Variants in AMOTL1 observed in about 807,000 individuals in gnomAD.
AMOTL1 encodes angiomotin-like protein 1.
A neutral mutation model predicts 102.9 loss-of-function variants in AMOTL1; 45 were observed. That is an observed-to-expected ratio of 0.44 (90% CI 0.34 to 0.56). The LOEUF is 0.56. Ranked by LOEUF, AMOTL1 falls within the 20% of genes least tolerant of loss-of-function variation. The probability of loss-of-function intolerance (pLI) is 0.01; values close to 1 mark genes in which losing one functional copy is unlikely to be tolerated. For synonymous variants in AMOTL1, 481 were observed against 484.7 expected, an observed-to-expected ratio of 0.99 and a Z score of 0.10; for missense variants, 1,114 against 1,225.6, an observed-to-expected ratio of 0.91 and a Z score of 1.36.
chr11:94,821,856 A>G (rs777315119), intron 4 of AMOTL1, 35 bp downstream of exon 4: 9 of 1,601,870 alleles, frequency 5.6e-6, no homozygotes, highest in Non-Finnish European at 7.7e-6. Context: ...GAGGGAGACA[A>G]ATTCTTTACC....
intron 3 of AMOTL1, among the ~76,000 whole-genome samples, chr11:94,815,910 T>C (rs1167521780): frequency 1.3e-5 from 2 of 152,094 alleles, no homozygotes; most frequent in East Asian, 3.9e-4. Context: ...GTGTAAGTCA[T>C]AATAAGGTTT....
intron 3 of AMOTL1, among the ~76,000 whole-genome samples, chr11:94,743,223 G>A (rs763308455): frequency 1.3e-5 from 2 of 152,172 alleles, no homozygotes; most frequent in African/African-American, 2.4e-5. Flanking sequence ...GGTTGTGCCC[G>A]GGGATCCCTA....
chr11:94,864,813 G>A lies in AMOTL1; in HGVS notation c.2214G>A (p.Glu738=). The part of the protein sequence containing the change: ...SSLEAHIWQE[E]EEVVQANRRC... ...TGGAGGCCCACATCTGGCAAGAGGAGGAGGAGGTGGTGCAGGCCAACAGAA... is the reference window on the plus strand; with the variant it reads ...TGGAGGCCCACATCTGGCAAGAGGAAGAGGAGGTGGTGCAGGCCAACAGAA... The change falls in exon 10 of 13, where the codon GAG becomes GAA. Residue 738 remains glutamate (E), a synonymous_variant. Transcript: ENST00000433060. 4 of 1,613,898 alleles carry A rather than the reference G, an allele frequency of 2.5e-6. No individual in the cohort carries two copies. In the Middle Eastern group the frequency reaches 4.9e-4, roughly 200 times the overall value.
intron 3 of AMOTL1, among the ~76,000 whole-genome samples, chr11:94,812,649 T>G (rs1951702629): frequency 6.6e-6 from 1 of 152,308 alleles, no homozygotes; most frequent in Admixed American, 6.5e-5. Flanking sequence ...TCTTTGTAGC[T>G]ATCTTATTTA....
intron 2 of AMOTL1, among the ~76,000 whole-genome samples, chr11:94,739,140 T>C (rs1218041544): frequency 6.6e-6 from 1 of 152,146 alleles, no homozygotes; most frequent in African/African-American, 2.4e-5. Context: ...GCCTGTTATT[T>C]TCAAGGAAAG....
At chr11:94,848,922 A>G (rs532028309) in intron 6 of AMOTL1, among the ~76,000 whole-genome samples, 5 of 152,336 alleles carry the variant, frequency 3.3e-5, no homozygotes, top group African/African-American at 9.6e-5. Flanking sequence ...ATATGAATGA[A>G]TGCAAACACT....
intron 8 of AMOTL1, among the ~76,000 whole-genome samples, chr11:94,854,480 A>C (rs1049133880): frequency 1.3e-5 from 2 of 152,200 alleles, no homozygotes; most frequent in African/African-American, 4.8e-5. Context: ...AGCAGGGTGC[A>C]GGTAGCTAGG....
At position 94,746,294 on chromosome 11, in the gene AMOTL1, G is replaced by A. The variant is rs146099217; in HGVS notation, c.136+5306G>A. On this transcript the variant is annotated intron_variant, in intron 3 of 4. Coordinates refer to the AMOTL1 transcript ENST00000299004. ...AGCCCACACCTTTCCATAGCCTTTC[G>A]GTAGTTCCATGCATAGCTAGAAGTT... Among the ~76,000 whole-genome samples the A allele has an allele frequency of 3.8e-3, 580 of 152,176 alleles. 9 individuals are homozygous for A. Among genetic ancestry groups the A allele is most frequent in the African/African-American group, 0.013 (557 of 41,498 alleles).
intron 3 of AMOTL1, among the ~76,000 whole-genome samples, chr11:94,816,761 A>C (rs1441381669): frequency 1.3e-5 from 2 of 152,120 alleles, no homozygotes; most frequent in African/African-American, 2.4e-5. Flanking sequence ...AGCAGTTAAA[A>C]CCTCATCTTC....
At chr11:94,765,835 A>T (rs1324459288), upstream of AMOTL1, among the ~76,000 whole-genome samples, 1 of 152,136 alleles carries the variant, frequency 6.6e-6, no homozygotes, top group Non-Finnish European at 1.5e-5. Flanking sequence ...TCTGTTAATG[A>T]ACTGATCTTC....
Position 94,772,178 on chromosome 11 carries a change from A to G in AMOTL1, c.49+3618A>G, listed in dbSNP as rs376731778. ...GCAGAACCAGGAAATTGACATTGGTACAGTCCACAGAGCATATTCAGATTT... is the reference window on the plus strand; with the variant it reads ...GCAGAACCAGGAAATTGACATTGGTGCAGTCCACAGAGCATATTCAGATTT... On this transcript the variant is annotated intron_variant, in intron 1 of 12. Transcript: ENST00000433060. Among the ~76,000 whole-genome samples, 39 of 152,340 alleles carry G rather than the reference A, an allele frequency of 2.6e-4. 1 individual carries two copies. Among genetic ancestry groups the G allele is most frequent in the Admixed American group, 1.1e-3 (17 of 15,310 alleles).
intron 1 of AMOTL1, among the ~76,000 whole-genome samples, chr11:94,784,316 T>A (rs1951152157): frequency 6.6e-6 from 1 of 152,208 alleles, no homozygotes; most frequent in Non-Finnish European, 1.5e-5. Context: ...CAAGCATTTA[T>A]GTATGGTATG....
At chr11:94,753,552 T>A (rs908312612) in intron 3 of AMOTL1, among the ~76,000 whole-genome samples, 2 of 152,218 alleles carry the variant, frequency 1.3e-5, no homozygotes, top group African/African-American at 4.8e-5. Context: ...AAAACAATCC[T>A]GTAAGACAGG....
intron 3 of AMOTL1, among the ~76,000 whole-genome samples, chr11:94,813,265 A>G (rs1308301740): frequency 6.6e-6 from 1 of 152,156 alleles, no homozygotes. Context: ...CTTCATAGAG[A>G]TGGCCTCAGA....
chr11:94,796,931 C>G (rs983620134), intron 2 of AMOTL1: 4 of 923,328 alleles, frequency 4.3e-6, no homozygotes, highest in Non-Finnish European at 5.2e-6. Context: ...ATAAGCATAT[C>G]ACACCACCTT....
intron 3 of AMOTL1, among the ~76,000 whole-genome samples, chr11:94,742,031 T>C (rs1045119246): frequency 3.3e-5 from 5 of 152,194 alleles, no homozygotes; most frequent in African/African-American, 1.2e-4. Context: ...ACAACGACTT[T>C]CATTCATTTC....
intron 1 of AMOTL1, among the ~76,000 whole-genome samples, chr11:94,780,651 G>A (rs1445521377): frequency 1.3e-5 from 2 of 152,160 alleles, no homozygotes; most frequent in Non-Finnish European, 2.9e-5. Flanking sequence ...TTCATGAACA[G>A]AAACTAAAAT....
intron 1 of AMOTL1, among the ~76,000 whole-genome samples, chr11:94,769,451 C>G (rs1289491992): frequency 6.6e-6 from 1 of 152,162 alleles, no homozygotes; most frequent in Non-Finnish European, 1.5e-5. Context: ...GGACTGCGCT[C>G]GCGGCGACGT....
At chr11:94,772,813 C>T (rs901561177) in intron 1 of AMOTL1, among the ~76,000 whole-genome samples, 1 of 152,180 alleles carries the variant, frequency 6.6e-6, no homozygotes, top group African/African-American at 2.4e-5. Context: ...CTGCACCACT[C>T]CTATTAGCAA....
Sources: allele counts gnomAD v4.1 joint callset (sites outside exome capture counted in the v4.1 genomes callset), GRCh38; gene constraint gnomAD v4.1.1; transcripts MANE v1.5; gene names NCBI Gene and HGNC (gene_info 2026-07-23, HGNC 2026-07-21).